FMN1: variants seen among roughly 807,000 people sequenced by gnomAD.
FMN1 encodes the protein formin-1.
A neutral mutation model predicts 132.4 loss-of-function variants in FMN1; 110 were observed. The observed-to-expected ratio is 0.83, with a 90% CI of 0.71 to 0.97. The LOEUF is 0.97. Among genes scored for constraint, FMN1 ranks in the 50% least tolerant of loss-of-function variants. The probability of loss-of-function intolerance (pLI) is 0.00; values close to 1 mark genes in which losing one functional copy is unlikely to be tolerated. For synonymous variants in FMN1, 722 were observed against 651.7 expected, an observed-to-expected ratio of 1.11 and a Z score of -1.64; for missense variants, 1,792 against 1,705.3, an observed-to-expected ratio of 1.05 and a Z score of -0.90.
Position 33,153,265 on chromosome 15 carries a change from A to T in FMN1, c.1650T>A (p.Ala550=). The T allele has an allele frequency of 6.5e-7, 1 of 1,536,130 alleles. No individual in the cohort carries two copies. The highest frequency in any genetic ancestry group is 8.7e-7 in the Non-Finnish European group (1 of 1,146,912). ...LPALPGEREA[A]LNDSPCRKSR... ...TCTTTCTACAAGGAGAGTCATTAAGAGCAGCTTCCCTCTCACCAGGCAATG... is the reference window on the plus strand; with the variant it reads ...TCTTTCTACAAGGAGAGTCATTAAGTGCAGCTTCCCTCTCACCAGGCAATG... Residue 550 remains alanine (A), a synonymous_variant, in exon 4 of 21, where the codon GCT becomes GCA. Coordinates refer to ENST00000616417, the MANE Select transcript of FMN1 (RefSeq NM_001277313.2).
At chr15:32,819,996 A>C (rs1328583577) in intron 17 of FMN1, among the ~76,000 whole-genome samples, 1 of 152,208 alleles carries the variant, frequency 6.6e-6, no homozygotes, top group African/African-American at 2.4e-5. Context: ...TGGACTGAAT[A>C]ATAAGTCCAG....
intron 3 of FMN1, among the ~76,000 whole-genome samples, chr15:33,168,741 C>T (rs1308096843): frequency 6.6e-6 from 1 of 152,188 alleles, no homozygotes; most frequent in East Asian, 1.9e-4. Context: ...TAAACCAACC[C>T]CAACTTTGGC....
chr15:32,964,004 G>C (rs2030903086), intron 9 of FMN1, 103 bp downstream of exon 9: 1 of 540,174 alleles, frequency 1.9e-6, no homozygotes, highest in Admixed American at 3.6e-5. Context: ...ATGTGTGTGT[G>C]TGTATATACG....
intron 8 of FMN1, among the ~76,000 whole-genome samples, chr15:32,966,342 A>G (rs2031224465): frequency 6.6e-6 from 1 of 152,126 alleles, no homozygotes; most frequent in Non-Finnish European, 1.5e-5. Context: ...GAATGAAAGA[A>G]TTTTGGAACA....
intron 16 of FMN1, among the ~76,000 whole-genome samples, chr15:32,884,904 A>G (rs1355747096): frequency 6.6e-6 from 1 of 152,186 alleles, no homozygotes; most frequent in Non-Finnish European, 1.5e-5. Flanking sequence ...TCTCAGCAAC[A>G]CCGGCTGATT....
chr15:33,183,571 A>G (rs1965777223), intron 2 of FMN1, among the ~76,000 whole-genome samples: 1 of 152,220 alleles, frequency 6.6e-6, no homozygotes, highest in Non-Finnish European at 1.5e-5. Context: ...ATTAGTAATA[A>G]TGGGTTACAT....
intron 17 of FMN1, among the ~76,000 whole-genome samples, chr15:32,806,571 TAC>T (rs1350825922): frequency 6.6e-6 from 1 of 152,234 alleles, no homozygotes; most frequent in African/African-American, 2.4e-5. Context: ...ACATAGTATC[TAC>T]AGTCTTCAAA....
chr15:32,812,662 C>G (rs149338479), intron 17 of FMN1, among the ~76,000 whole-genome samples: 1,811 of 152,278 alleles, frequency 0.012, 15 homozygotes, highest in Non-Finnish European at 0.019. Flanking sequence ...TGTCAGTGCT[C>G]AAAAAGTTTC....
chr15:32,868,415 T>C (rs985402954), intron 16 of FMN1, among the ~76,000 whole-genome samples: 2 of 152,214 alleles, frequency 1.3e-5, no homozygotes, highest in African/African-American at 4.8e-5. Context: ...ATTTGTAGCG[T>C]AGACGCCATA....
chr15:33,107,037 T>A lies in FMN1; in HGVS notation c.1868-18063A>T, dbSNP rs114006734. Among the ~76,000 whole-genome samples, 714 of 152,192 alleles carry A rather than the reference T, an allele frequency of 4.7e-3. 9 individuals are homozygous for A. The highest frequency in any genetic ancestry group is 0.016 in the African/African-American group (684 of 41,552). Reference sequence around the variant, plus strand: ...TACTCATTGCTTGGCTAATACTCATTCCAAACTCTTTATTTTCCTTCTAAC... The same window carrying A: ...TACTCATTGCTTGGCTAATACTCATACCAAACTCTTTATTTTCCTTCTAAC... On this transcript the variant is annotated intron_variant, in intron 4 of 20. Transcript: ENST00000616417.
rs192627136 is a variant in FMN1 at position 32,782,694 on chromosome 15, C to A, written c.4131-5775G>T. 9.2e-4 allele frequency among the ~76,000 whole-genome samples: 140 copies of A among 152,328 alleles called. No homozygotes were observed. The South Asian group carries it at 0.011, about 12-fold the overall frequency. ...GTTAGACAGTTTCTAGCTGCATACA[C>A]GCTCAACCTCCTCATTGTTTGTGGA... On this transcript the variant is annotated intron_variant, in intron 19 of 20. Coordinates refer to ENST00000616417, the MANE Select transcript of FMN1 (RefSeq NM_001277313.2).
At chr15:33,184,951 C>G (rs796183018) in intron 2 of FMN1, among the ~76,000 whole-genome samples, 9 of 152,204 alleles carry the variant, frequency 5.9e-5, no homozygotes, top group African/African-American at 2.2e-4. Flanking sequence ...GATGAATATG[C>G]TACGTTATAT....
At chr15:33,035,463 G>A (rs1225377657) in intron 6 of FMN1, among the ~76,000 whole-genome samples, 4 of 152,138 alleles carry the variant, frequency 2.6e-5, no homozygotes, top group African/African-American at 7.2e-5. Flanking sequence ...CTGCTTCTGG[G>A]AGCTGTTCTC....
At chr15:32,819,944 T>A (rs796798744) in intron 17 of FMN1, among the ~76,000 whole-genome samples, 8 of 152,176 alleles carry the variant, frequency 5.3e-5, no homozygotes, top group African/African-American at 1.9e-4. Context: ...GCAAGAATAA[T>A]CTGCCTTTGA....
intron 9 of FMN1, among the ~76,000 whole-genome samples, chr15:32,959,234 C>A (rs2030219222): frequency 6.6e-6 from 1 of 152,084 alleles, no homozygotes; most frequent in South Asian, 2.1e-4. Context: ...ATTCCATGAT[C>A]CAGCTGAAGG....
At chr15:33,189,834 T>G (rs530892287) in intron 2 of FMN1, among the ~76,000 whole-genome samples, 1 of 152,346 alleles carries the variant, frequency 6.6e-6, no homozygotes, top group African/African-American at 2.4e-5. Flanking sequence ...ATACAACTCA[T>G]GCTCACTTGA....
chr15:33,089,074 G>C, intron 4 of FMN1, 100 bp from the exon 5 acceptor site: 1 of 931,274 alleles, frequency 1.1e-6, no homozygotes, highest in African/African-American at 1.7e-5. Context: ...CTCTATGCTA[G>C]CTCTTACTTT....
intron 7 of FMN1, among the ~76,000 whole-genome samples, chr15:32,985,310 C>T (rs1255181195): frequency 6.6e-6 from 1 of 152,106 alleles, no homozygotes; most frequent in African/African-American, 2.4e-5. Context: ...ATTCCTGGTC[C>T]TCTTCCTCCC....
intron 9 of FMN1, among the ~76,000 whole-genome samples, chr15:32,936,605 C>T (rs2061277388): frequency 6.7e-6 from 1 of 150,014 alleles, no homozygotes; most frequent in African/African-American, 2.5e-5. Flanking sequence ...CCCATGAACA[C>T]ACAGAGTCAA....
Sources: allele counts gnomAD v4.1 joint callset (sites outside exome capture counted in the v4.1 genomes callset), GRCh38; gene constraint gnomAD v4.1.1; transcripts MANE v1.5; gene names NCBI Gene and HGNC (gene_info 2026-07-23, HGNC 2026-07-21).